CNTNAP2: variants seen among roughly 807,000 people sequenced by gnomAD.
CNTNAP2 encodes the protein contactin associated protein 2, also known as contactin-associated protein-like 2.
In CNTNAP2, 98 loss-of-function variants were observed where a neutral mutation model predicts 155.2. The observed-to-expected ratio is 0.63, with a 90% confidence interval of 0.54 to 0.75. The LOEUF (loss-of-function observed/expected upper bound fraction) is 0.75. Ranked by LOEUF, CNTNAP2 falls within the 30% of genes least tolerant of loss-of-function variation. The pLI is 0.00. For synonymous variants in CNTNAP2, 651 were observed against 631.2 expected, an observed-to-expected ratio of 1.03 and a Z score of -0.47; for missense variants, 1,727 against 1,688.1, an observed-to-expected ratio of 1.02 and a Z score of -0.40.
chr7:147,126,392 A>G (rs1801237956), intron 6 of CNTNAP2, among the ~76,000 whole-genome samples: 1 of 152,146 alleles, frequency 6.6e-6, no homozygotes, highest in South Asian at 2.1e-4. Flanking sequence ...CTGCAACAAT[A>G]TTTGTTACTA....
chr7:146,311,055 T>A (rs1324011296), intron 1 of CNTNAP2, among the ~76,000 whole-genome samples: 2 of 152,068 alleles, frequency 1.3e-5, no homozygotes, highest in Non-Finnish European at 2.9e-5. Flanking sequence ...GCTAGTGATT[T>A]ACATTGTTCT....
At chr7:146,798,199 G>A (rs185076679) in intron 2 of CNTNAP2, among the ~76,000 whole-genome samples, 91 of 152,100 alleles carry the variant, frequency 6.0e-4, no homozygotes, top group African/African-American at 2.2e-3. Context: ...TTGAGCCGGG[G>A]ATGGGGAGGC....
At position 148,417,273 on chromosome 7, in the gene CNTNAP2, G is replaced by A. The variant is rs573903898; in HGVS notation, c.*1657G>A. ...TGCATTCTTTTTCAAGATTCTCAGT[G>A]TGCCTAACTTATTGGAGCACATCAG... On this transcript the variant is annotated 3_prime_UTR_variant, in exon 24 of 24. Transcript: ENST00000361727. The A allele has an allele frequency of 5.9e-5, 9 of 152,544 alleles. No homozygotes were observed. Among genetic ancestry groups the A allele is most frequent in the Non-Finnish European group, 1.3e-4 (9 of 68,040 alleles). 9.4% of individuals were successfully genotyped at this position (152,544 alleles called of 1,614,324 possible).
intron 14 of CNTNAP2, among the ~76,000 whole-genome samples, chr7:147,958,399 T>A (rs755416341): frequency 6.6e-6 from 1 of 152,178 alleles, no homozygotes; most frequent in Non-Finnish European, 1.5e-5. Context: ...GTTATCAGGA[T>A]CACTCTGATC....
chr7:147,791,560 A>G (rs932447284), intron 13 of CNTNAP2, among the ~76,000 whole-genome samples: 1 of 151,908 alleles, frequency 6.6e-6, no homozygotes, highest in African/African-American at 2.4e-5. Context: ...TTATGAAGAT[A>G]AAAACCAGCT....
chr7:146,896,537 A>T (rs1214581746), intron 3 of CNTNAP2, among the ~76,000 whole-genome samples: 2 of 152,108 alleles, frequency 1.3e-5, no homozygotes, highest in African/African-American at 4.8e-5. Context: ...GCTATACTGT[A>T]TGTCTTTATA....
At chr7:146,343,516 T>C (rs1794766098) in intron 1 of CNTNAP2, among the ~76,000 whole-genome samples, 1 of 152,178 alleles carries the variant, frequency 6.6e-6, no homozygotes, top group Non-Finnish European at 1.5e-5. Flanking sequence ...AACTAAAGTA[T>C]ATGGCAAAAT....
intron 1 of CNTNAP2, among the ~76,000 whole-genome samples, chr7:146,321,103 T>G (rs1349070777): frequency 9.2e-5 from 14 of 152,252 alleles, no homozygotes; most frequent in Middle Eastern, 3.4e-3. Context: ...ATGTGATTTT[T>G]AAGGTCAATA....
At chr7:147,209,730 T>C (rs896833170) in intron 8 of CNTNAP2, among the ~76,000 whole-genome samples, 3 of 152,004 alleles carry the variant, frequency 2.0e-5, no homozygotes, top group African/African-American at 7.2e-5. Context: ...TTGTCATAGA[T>C]GGATCTTACT....
At chr7:146,320,361 T>C (rs1800980071) in intron 1 of CNTNAP2, among the ~76,000 whole-genome samples, 2 of 152,252 alleles carry the variant, frequency 1.3e-5, no homozygotes, top group Non-Finnish European at 1.5e-5. Context: ...ATAATGCTTA[T>C]AGGATAAGGG....
At chr7:148,080,532 G>C (rs1219013048) in intron 15 of CNTNAP2, among the ~76,000 whole-genome samples, 1 of 148,928 alleles carries the variant, frequency 6.7e-6, no homozygotes, top group African/African-American at 2.5e-5. Context: ...ATAAACCTGG[G>C]AGACAGAGCT....
chr7:148,355,958 C>A (rs1798505132), intron 21 of CNTNAP2, among the ~76,000 whole-genome samples: 1 of 152,184 alleles, frequency 6.6e-6, no homozygotes, highest in Non-Finnish European at 1.5e-5. Context: ...AGCCCCAGGA[C>A]AAGTATCCTA....
intron 17 of CNTNAP2, among the ~76,000 whole-genome samples, chr7:148,154,742 G>C (rs559055260): frequency 6.6e-6 from 1 of 152,274 alleles, no homozygotes; most frequent in African/African-American, 2.4e-5. Flanking sequence ...TTCGAGACCA[G>C]TCTGACCAAC....
intron 13 of CNTNAP2, among the ~76,000 whole-genome samples, chr7:147,748,535 T>G (rs1020683501): frequency 1.3e-5 from 2 of 152,204 alleles, no homozygotes; most frequent in African/African-American, 4.8e-5. Flanking sequence ...GTCTTTAGAC[T>G]GGCACTAGTT....
chr7:146,475,015 A>G (rs61648862), intron 1 of CNTNAP2, among the ~76,000 whole-genome samples: 1,716 of 111,418 alleles, frequency 0.015, 21 homozygotes, highest in East Asian at 0.047. Flanking sequence ...GCGCGCGCGC[A>G]CACACACACA....
chr7:147,134,339 C>A (rs1422181341), intron 8 of CNTNAP2, among the ~76,000 whole-genome samples: 1 of 151,798 alleles, frequency 6.6e-6, no homozygotes, highest in Non-Finnish European at 1.5e-5. Flanking sequence ...AGTTAATTCA[C>A]CTTAATAGAT....
At chr7:146,891,914 T>A (rs1795786169) in intron 3 of CNTNAP2, among the ~76,000 whole-genome samples, 1 of 152,208 alleles carries the variant, frequency 6.6e-6, no homozygotes, top group South Asian at 2.1e-4. Context: ...TACATGAACC[T>A]CATACACATT....
intron 1 of CNTNAP2, among the ~76,000 whole-genome samples, chr7:146,562,087 C>A (rs1322614980): frequency 6.6e-6 from 1 of 152,150 alleles, no homozygotes; most frequent in Non-Finnish European, 1.5e-5. Context: ...CTGCACCCGG[C>A]CCAAAAACAT....
intron 11 of CNTNAP2, among the ~76,000 whole-genome samples, chr7:147,549,104 A>G (rs1359511936): frequency 6.6e-6 from 1 of 152,176 alleles, no homozygotes; most frequent in Non-Finnish European, 1.5e-5. Flanking sequence ...CTTTGATTCC[A>G]TATGAAATTT....
Sources: gnomAD v4.1 joint callset for allele counts (sites outside exome capture counted in the v4.1 genomes callset) on GRCh38, gnomAD v4.1.1 for gene constraint, MANE v1.5 for transcripts, NCBI Gene and HGNC (gene_info 2026-07-23, HGNC 2026-07-21) for gene names.